The following GOLGA1 variants were observed in gnomAD, a reference collection of about 807,000 sequenced individuals.
GOLGA1 encodes golgin A1.
A neutral mutation model predicts 119.7 loss-of-function variants in GOLGA1; 63 were observed. The ratio of observed to expected loss-of-function variants is 0.53; its 90% CI spans 0.43 to 0.65. The LOEUF (loss-of-function observed/expected upper bound fraction) is 0.65, where lower values mean the gene tolerates loss of function less well. Among genes scored for constraint, GOLGA1 ranks in the 30% least tolerant of loss-of-function variants. GOLGA1 has a pLI of 0.00. For missense variants in GOLGA1, 798 were observed against 912.8 expected, an observed-to-expected ratio of 0.87 and a Z score of 1.62; for synonymous variants, 318 against 333.4, an observed-to-expected ratio of 0.95 and a Z score of 0.50.
chr9:124,884,615 G>A (rs1829674161), intron 19 of GOLGA1, among the ~76,000 whole-genome samples: 1 of 152,154 alleles, frequency 6.6e-6, no homozygotes, highest in African/African-American at 2.4e-5. Context: ...GAATGACTGA[G>A]TCAGAAGACC....
chr9:124,895,900 C>A (rs2131397369), intron 15 of GOLGA1, among the ~76,000 whole-genome samples: 1 of 148,732 alleles, frequency 6.7e-6, no homozygotes, highest in African/African-American at 2.6e-5. Flanking sequence ...GACCCACCCA[C>A]AACAGAGAAC....
At chr9:124,899,195 C>A (rs1830045215) in intron 14 of GOLGA1, 134 bp downstream of exon 14, 2 of 755,298 alleles carry the variant, frequency 2.6e-6, no homozygotes, top group East Asian at 2.7e-5. Flanking sequence ...GACCCTGTCT[C>A]AAACAAAAAA....
chr9:124,886,590 A>G (rs1035407607), intron 19 of GOLGA1, among the ~76,000 whole-genome samples: 3 of 152,188 alleles, frequency 2.0e-5, no homozygotes, highest in African/African-American at 7.2e-5. Context: ...AGGTGAGCAG[A>G]GACGCAGCAG....
chr9:124,921,017 G>A lies in GOLGA1; in HGVS notation c.843+112C>T, dbSNP rs1830558883. 23 of 713,330 alleles carry A rather than the reference G, an allele frequency of 3.2e-5. No individual in the cohort carries two copies. In the South Asian group the frequency reaches 3.3e-4, roughly 10 times the overall value. The allele number at this position is 713,330 out of a possible 1,614,324, so 44.2% of individuals were successfully genotyped here. On this transcript the variant is annotated intron_variant, in intron 10 of 22. Transcript: ENST00000373555. ...TGGCTAGTACAGGAAATGGAGCCAT[G>A]TGGACTGCATGAGAAATGTATGTTC...
At chr9:124,883,379 G>A (rs1480852152) in intron 19 of GOLGA1, among the ~76,000 whole-genome samples, 1 of 152,122 alleles carries the variant, frequency 6.6e-6, no homozygotes, top group African/African-American at 2.4e-5. Flanking sequence ...TCCGCCTCCT[G>A]GGTTCAAACG....
At chr9:124,890,189 G>T (rs1829823094) in intron 16 of GOLGA1, among the ~76,000 whole-genome samples, 200 bp downstream of exon 16, 1 of 152,152 alleles carries the variant, frequency 6.6e-6, no homozygotes, top group Non-Finnish European at 1.5e-5. Flanking sequence ...ATCCTATGGG[G>T]TAAGAGTTTC....
chr9:124,939,096 G>A (rs900038529), intron 2 of GOLGA1, among the ~76,000 whole-genome samples: 1 of 151,828 alleles, frequency 6.6e-6, no homozygotes, highest in South Asian at 2.1e-4. Flanking sequence ...TGGCTAAGTG[G>A]AAGGGCTGGT....
chr9:124,921,691 C>T, intron 9 of GOLGA1, 32 bp downstream of exon 9: 1 of 1,569,060 alleles, frequency 6.4e-7, no homozygotes, highest in Non-Finnish European at 8.7e-7. Context: ...ACTAACACCT[C>T]TTCCCAAGGG....
chr9:124,938,521 T>C, intron 3 of GOLGA1, 56 bp downstream of exon 3: 2 of 1,407,402 alleles, frequency 1.4e-6, no homozygotes, highest in Non-Finnish European at 2.0e-6. Flanking sequence ...ATTTAAAATA[T>C]TTATTGGAAG....
Position 124,881,787 on chromosome 9 carries a change from G to A in GOLGA1, c.2133C>T (p.Ser711=), listed in dbSNP as rs764795922. The part of the protein sequence containing the change: ...VVLKFMSCRE[S]EAFHLIKAVS... ...AGACACCTCAAAAGCCCTTTACCTC[G>A]GATTCGCGACAAGACATGAATTTTA... The change falls in exon 21 of 23, where the codon TCC becomes TCT. Residue 711 remains serine (S), a synonymous_variant. Coordinates refer to ENST00000373555, the MANE Select transcript of GOLGA1 (RefSeq NM_002077.4). The surrounding 1 kb of genome is among the most constrained non-coding windows in gnomAD (Gnocchi z 4.9). The A allele has an allele frequency of 1.2e-5, 19 of 1,608,062 alleles. No homozygotes were observed. Among genetic ancestry groups the A allele is most frequent in the East Asian group, 2.2e-5 (1 of 44,784 alleles).
chr9:124,932,747 T>C (rs974483576), intron 3 of GOLGA1, among the ~76,000 whole-genome samples: 2 of 152,188 alleles, frequency 1.3e-5, no homozygotes, highest in African/African-American at 4.8e-5. Context: ...TTCTGGAGCC[T>C]AGGAAGTCCA....
intron 3 of GOLGA1, among the ~76,000 whole-genome samples, chr9:124,937,596 A>C (rs1361438755): frequency 6.6e-6 from 1 of 150,538 alleles, no homozygotes; most frequent in African/African-American, 2.4e-5. Flanking sequence ...ATGCCACTGC[A>C]CTCCGGCCTG....
At chr9:124,904,615 C>A (rs1380543601) in intron 12 of GOLGA1, among the ~76,000 whole-genome samples, 1 of 152,096 alleles carries the variant, frequency 6.6e-6, no homozygotes, top group Non-Finnish European at 1.5e-5. Context: ...TTGAGACCAG[C>A]CTGGCCAACA....
rs757743956 is a variant in GOLGA1, at chr9:124,908,461, A to G, written c.981T>C (p.Ala327=). Residue 327 remains alanine, a synonymous_variant, in exon 12 of 23, where the codon GCT becomes GCC. Transcript: ENST00000373555. ...LQELLKEKTL[A]EQNLEDTRQQ... Reference sequence around the variant, plus strand: ...GTCTGGTATCCTCCAAATTCTGCTCAGCAAGTGTTTTCTGTAAGTTGAAAG... The same window carrying G: ...GTCTGGTATCCTCCAAATTCTGCTCGGCAAGTGTTTTCTGTAAGTTGAAAG... The G allele has an allele frequency of 1.9e-6, 3 of 1,595,508 alleles. No homozygotes were observed. The highest frequency in any genetic ancestry group is 1.3e-5 in the African/African-American group (1 of 74,684).
intron 1 of GOLGA1, chr9:124,947,622 C>A (rs1784151713): frequency 6.6e-6 from 1 of 151,900 alleles, no homozygotes; most frequent in Non-Finnish European, 1.5e-5. Context: ...CACTGCATAC[C>A]AATATATTTA....
chr9:124,937,958 C>T (rs1830910756), intron 3 of GOLGA1, among the ~76,000 whole-genome samples: 1 of 151,828 alleles, frequency 6.6e-6, no homozygotes, highest in South Asian at 2.1e-4. Context: ...TGGAACACAC[C>T]TGTAGTCCCA....
intron 6 of GOLGA1, 105 bp from the exon 7 acceptor site, chr9:124,926,846 C>A (rs2131508554): frequency 5.0e-6 from 3 of 600,286 alleles, no homozygotes; most frequent in East Asian, 5.9e-5. Flanking sequence ...AGCAACTAAC[C>A]AAACAAAACA....
At chr9:124,892,830 G>A (rs1829884815) in intron 15 of GOLGA1, among the ~76,000 whole-genome samples, 1 of 151,564 alleles carries the variant, frequency 6.6e-6, no homozygotes, top group South Asian at 2.1e-4. Context: ...TACTCAGGAG[G>A]CTAAGGCAGG....
intron 3 of GOLGA1, among the ~76,000 whole-genome samples, chr9:124,934,638 A>G (rs1236758707): frequency 6.6e-6 from 1 of 152,220 alleles, no homozygotes; most frequent in Non-Finnish European, 1.5e-5. Context: ...AGACCATGAC[A>G]GTTTACCATT....
Sources: allele counts gnomAD v4.1 joint callset (sites outside exome capture counted in the v4.1 genomes callset), GRCh38; gene constraint gnomAD v4.1.1; non-coding constraint Gnocchi (gnomAD v3.1); transcripts MANE v1.5; gene names NCBI Gene and HGNC (gene_info 2026-07-23, HGNC 2026-07-21).